PARG: variants seen among roughly 807,000 people sequenced by gnomAD.
PARG encodes poly(ADP-ribose) glycohydrolase.
In PARG, 35 loss-of-function variants were observed where a neutral mutation model predicts 113.0. The observed-to-expected ratio is 0.31, with a 90% CI of 0.24 to 0.41. PARG has a LOEUF of 0.41. Among genes scored for constraint, PARG ranks in the 10% least tolerant of loss-of-function variants. The pLI is 1.00. For synonymous variants in PARG, 330 were observed against 409.9 expected (o/e 0.81, Z 2.36); for missense variants, 797 against 1,169.4 (o/e 0.68, Z 4.64).
chr10:49,841,430 G>A (rs1175664379), intron 15 of PARG, among the ~76,000 whole-genome samples: 3 of 151,914 alleles, frequency 2.0e-5, no homozygotes, highest in Admixed American at 6.6e-5. Flanking sequence ...TTGAACAACA[G>A]GTATGGTTCA....
chr10:49,881,257 C>T (rs186288233), intron 8 of PARG, among the ~76,000 whole-genome samples: 2 of 152,242 alleles, frequency 1.3e-5, no homozygotes, highest in African/African-American at 4.8e-5. Context: ...CAAGCCTGAC[C>T]ATCTTGGGCA....
chr10:49,927,401 AG>A (rs1838256898), intron 4 of PARG, among the ~76,000 whole-genome samples: 1 of 151,420 alleles, frequency 6.6e-6, no homozygotes, highest in Non-Finnish European at 1.5e-5. Context: ...AAAGAAAGAA[AG>A]AAAGAAAGAA....
intron 1 of PARG, among the ~76,000 whole-genome samples, chr10:49,936,890 C>T (rs1214817397): frequency 1.3e-5 from 2 of 152,142 alleles, no homozygotes; most frequent in Non-Finnish European, 2.9e-5. Flanking sequence ...ATAATCTTTA[C>T]CTTCCACAAA....
chr10:49,911,501 C>T (rs1180393430), intron 7 of PARG, among the ~76,000 whole-genome samples: 1 of 152,212 alleles, frequency 6.6e-6, no homozygotes. Flanking sequence ...GTTTGTAGCA[C>T]TTCCAGCAGC....
intron 7 of PARG, among the ~76,000 whole-genome samples, chr10:49,909,149 A>G (rs1385694388): frequency 6.6e-6 from 1 of 152,220 alleles, no homozygotes. Flanking sequence ...AGTATACCAC[A>G]TATGCATGAA....
chr10:49,917,070 A>G (rs1365498173), intron 6 of PARG, among the ~76,000 whole-genome samples: 1 of 144,902 alleles, frequency 6.9e-6, no homozygotes, highest in Non-Finnish European at 1.6e-5. Context: ...CAAGTTCCTT[A>G]AGAAAAGAAA....
At chr10:49,836,742 C>CA (rs782276050) in intron 15 of PARG, among the ~76,000 whole-genome samples, 9 of 152,114 alleles carry the variant, frequency 5.9e-5, no homozygotes, top group Non-Finnish European at 1.3e-4. Flanking sequence ...GTTTTGTTTT[C>CA]AGGCTTTGGT....
chr10:49,907,463 T>C (rs1237745260), intron 7 of PARG, among the ~76,000 whole-genome samples: 2 of 152,156 alleles, frequency 1.3e-5, no homozygotes, highest in South Asian at 2.1e-4. Context: ...AATGGACCTA[T>C]TTAGTCTTTG....
Position 49,857,360 on chromosome 10 carries a change from T to C in PARG, c.2299A>G (p.Ile767Val). The C allele has an allele frequency of 7.9e-7, 1 of 1,260,474 alleles. No individual in the cohort carries two copies. 78.1% of individuals were successfully genotyped at this position (1,260,474 alleles called of 1,614,324 possible). Reference protein sequence around the residue: ...IRFLINPELIISRLFTEVLDH... With the variant: ...IRFLINPELIVSRLFTEVLDH... Reference sequence around the variant, plus strand: ...AGCACCTCAGTGAAGAGCCGTGAAATAATCAACTCAGGATTGATTAAAAAG... The same window carrying C: ...AGCACCTCAGTGAAGAGCCGTGAAACAATCAACTCAGGATTGATTAAAAAG... Residue 767 changes from isoleucine (I) to valine (V), a missense_variant, in exon 13 of 18, where the codon ATT (isoleucine) becomes GTT (valine). Coordinates refer to ENST00000616448, the MANE Select transcript of PARG (RefSeq NM_003631.5).
At chr10:49,932,367 C>T in intron 3 of PARG, 84 bp from the exon 4 acceptor site, 6 of 815,504 alleles carry the variant, frequency 7.4e-6, no homozygotes, top group South Asian at 4.2e-5. Flanking sequence ...CTTACCCAGA[C>T]GTTATTGTTT....
rs1187332202 is a variant in PARG, at chr10:49,935,065, T to C, written c.284+11A>G. 2 of 721,998 alleles carry C rather than the reference T, an allele frequency of 2.8e-6. No homozygotes were observed. The highest frequency in any genetic ancestry group is 5.0e-6 in the Non-Finnish European group (2 of 396,340). 44.7% of individuals were successfully genotyped at this position (721,998 alleles called of 1,614,324 possible). ...TATTATTCATTTCTCTACATAGGAA[T>C]GTTTCTATACCTTTCTGATTCCGCT... On this transcript the variant is annotated intron_variant, in intron 2 of 17. Transcript: ENST00000616448.
chr10:49,924,885 A>G (rs1396786127), intron 4 of PARG, among the ~76,000 whole-genome samples: 1 of 150,840 alleles, frequency 6.6e-6, no homozygotes, highest in Non-Finnish European at 1.5e-5. Flanking sequence ...AGGGTCCCCA[A>G]CCCCCCGGAA....
chr10:49,907,546 C>T (rs55884281), intron 7 of PARG, among the ~76,000 whole-genome samples: 28,872 of 151,876 alleles, frequency 0.19, 3,279 homozygotes, highest in Non-Finnish European at 0.27. Flanking sequence ...ACAGATCTAA[C>T]GTTCTGTTTT....
chr10:49,894,812 A>T (rs1215225045), intron 7 of PARG, among the ~76,000 whole-genome samples: 1 of 152,174 alleles, frequency 6.6e-6, no homozygotes, highest in Non-Finnish European at 1.5e-5. Context: ...GGCAGCTTAA[A>T]ACAACAAAAA....
At chr10:49,918,443 C>T (rs1554848299) in intron 6 of PARG, among the ~76,000 whole-genome samples, 1 of 152,184 alleles carries the variant, frequency 6.6e-6, no homozygotes, top group East Asian at 1.9e-4. Flanking sequence ...CATGAGATTG[C>T]TTGTCATTAG....
intron 13 of PARG, among the ~76,000 whole-genome samples, chr10:49,847,581 G>A (rs1383488687): frequency 5.9e-5 from 9 of 151,958 alleles, no homozygotes; most frequent in Admixed American, 1.3e-4. Context: ...ACAAACACAA[G>A]GAAAAGCTGA....
chr10:49,941,460 G>T, intron 1 of PARG, 49 bp downstream of exon 1: 1 of 1,370,824 alleles, frequency 7.3e-7, no homozygotes, highest in Non-Finnish European at 1.0e-6. Flanking sequence ...ACTGAGACCA[G>T]AAGGTTCGGG....
intron 7 of PARG, among the ~76,000 whole-genome samples, chr10:49,892,715 T>C (rs1432114687): frequency 1.3e-5 from 2 of 152,210 alleles, no homozygotes; most frequent in African/African-American, 4.8e-5. Flanking sequence ...TGACCACATA[T>C]CAATGCATTT....
In PARG at chr10:49,893,088, T is replaced by C. The variant is rs868908117; in HGVS notation, c.1738-7793A>G. 5.1e-4 allele frequency among the ~76,000 whole-genome samples: 77 copies of C among 152,216 alleles called. No homozygotes were observed. In the Middle Eastern group the frequency reaches 0.017, roughly 34 times the overall value. Reference sequence around the variant, plus strand: ...TGCATATATTTTCATATCTCATAGGTAGGTAGAGAAAGAAATGAAATTAAT... The same window carrying C: ...TGCATATATTTTCATATCTCATAGGCAGGTAGAGAAAGAAATGAAATTAAT... On this transcript the variant is annotated intron_variant, in intron 7 of 17. Transcript: ENST00000616448.
Sources: gnomAD v4.1 joint callset for allele counts (sites outside exome capture counted in the v4.1 genomes callset) on GRCh38, gnomAD v4.1.1 for gene constraint, MANE v1.5 for transcripts, NCBI Gene and HGNC (gene_info 2026-07-23, HGNC 2026-07-21) for gene names.